FAM120B: variants seen among roughly 807,000 people sequenced by gnomAD.
FAM120B encodes family with sequence similarity 120 member B, also known as constitutive coactivator of peroxisome proliferator-activated receptor gamma.
FAM120B carries 83 observed loss-of-function variants against 96.3 expected under a neutral mutation model. The ratio of observed to expected loss-of-function variants is 0.86; its 90% CI spans 0.72 to 1.03. The LOEUF (loss-of-function observed/expected upper bound fraction) is 1.03, where lower values mean the gene tolerates loss of function less well. Among genes scored for constraint, FAM120B ranks in the 50% least tolerant of loss-of-function variants. The pLI is 0.00. For synonymous variants in FAM120B, 407 were observed against 402.7 expected (o/e 1.01, Z -0.13); for missense variants, 1,027 against 1,121.2 (o/e 0.92, Z 1.20).
At chr6:170,308,000 C>G (rs1784385322) in intron 1 of FAM120B, among the ~76,000 whole-genome samples, 1 of 152,190 alleles carries the variant, frequency 6.6e-6, no homozygotes, top group Non-Finnish European at 1.5e-5. Context: ...CGCAGCTGTA[C>G]TCCCAAGTTC....
intron 7 of FAM120B, among the ~76,000 whole-genome samples, chr6:170,390,252 A>T (rs1790412083): frequency 6.6e-6 from 1 of 152,198 alleles, no homozygotes; most frequent in South Asian, 2.1e-4. Flanking sequence ...GTGGCATAGG[A>T]CTGCAAGTAT....
intron 2 of FAM120B, among the ~76,000 whole-genome samples, chr6:170,319,744 T>C (rs916689328): frequency 3.9e-5 from 6 of 152,172 alleles, no homozygotes; most frequent in Admixed American, 6.5e-5. Context: ...AAAATATGCA[T>C]TGAATAAGCA....
At position 170,323,089 on chromosome 6, in the gene FAM120B, C is replaced by G; in HGVS notation, c.1745C>G (p.Thr582Arg). The G allele has an allele frequency of 6.2e-7, 1 of 1,609,994 alleles. No homozygotes were observed. Among genetic ancestry groups the G allele is most frequent in the Non-Finnish European group, 8.5e-7 (1 of 1,178,336 alleles). ...SDTEILKVARTHHVQAESYLV... is the reference protein window; with the variant it reads ...SDTEILKVARRHHVQAESYLV... ...TTAAATTTCAAACAGGTTGCTAGAA[C>G]ACATCACGTCCAAGCAGAAAGCTAC... The change falls in exon 3 of 11, where the codon ACA becomes AGA. Residue 582 changes from threonine to arginine, a missense_variant. Physicochemically the swap from Thr to Arg is moderately conservative, Grantham distance 71 (BLOSUM62 -1). This residue lies in a region of FAM120B where 880 missense variants were observed against 980.9 expected (regional missense o/e 0.90). Coordinates refer to ENST00000476287, the MANE Select transcript of FAM120B (RefSeq NM_032448.3).
At chr6:170,300,435 G>A (rs992460006) in intron 1 of FAM120B, among the ~76,000 whole-genome samples, 2 of 152,180 alleles carry the variant, frequency 1.3e-5, no homozygotes, top group African/African-American at 2.4e-5. Flanking sequence ...AGTTCAAGAT[G>A]AGATTTGGAT....
At chr6:170,333,958 C>T (rs952960981) in intron 4 of FAM120B, among the ~76,000 whole-genome samples, 1 of 152,212 alleles carries the variant, frequency 6.6e-6, no homozygotes, top group Admixed American at 6.5e-5. Context: ...TGTGTCTACC[C>T]TTTCCCAGCA....
upstream of FAM120B, chr6:170,290,822 C>T: frequency 1.6e-6 from 1 of 616,006 alleles, no homozygotes; most frequent in Non-Finnish European, 2.9e-6. This position sits in a 1 kb window ranked among gnomAD's most constrained non-coding sequence, Gnocchi z 4.7. Context: ...ACGCGCAGGA[C>T]CGGAGGGGCC....
rs1778748147 is a variant in FAM120B, at chr6:170,404,824, G to C, written c.*73G>C. On this transcript the variant is annotated 3_prime_UTR_variant, in exon 11 of 11. Transcript: ENST00000476287. ...CAGAGCCCTGCCAGCGCCCTCCTCT[G>C]CTGTTGCAGCTGCAAGGAGACCATG... 1.9e-6 allele frequency: 1 copy of C among 530,302 alleles called. No homozygotes were observed. The highest frequency in any genetic ancestry group is 3.3e-6 in the Non-Finnish European group (1 of 298,818). The allele number at this position is 530,302 out of a possible 1,614,324, so 32.8% of individuals were successfully genotyped here.
intron 9 of FAM120B, among the ~76,000 whole-genome samples, chr6:170,398,268 T>C (rs1024969292): frequency 1.3e-5 from 2 of 152,262 alleles, no homozygotes; most frequent in African/African-American, 4.8e-5. Flanking sequence ...ATTCTATTTA[T>C]TGAATGGTGG....
chr6:170,296,230 G>C lies in FAM120B; in HGVS notation c.48+777G>C, dbSNP rs559333082. Among the ~76,000 whole-genome samples, 4 of 152,108 alleles carry C rather than the reference G, an allele frequency of 2.6e-5. No homozygotes were observed. The South Asian group carries it at 8.3e-4, about 32-fold the overall frequency. ...CCGGGGCTGGGGGGCCGGGTGTTGG[G>C]GGGTTAGAAGGAGGCCGCGTGTCCC... is the stretch of plus-strand genomic sequence containing the variant. On this transcript the variant is annotated intron_variant, in intron 1 of 10. Transcript: ENST00000537664.
At chr6:170,383,194 A>G (rs182300801) in intron 6 of FAM120B, among the ~76,000 whole-genome samples, 5 of 152,262 alleles carry the variant, frequency 3.3e-5, no homozygotes, top group South Asian at 2.1e-4. Flanking sequence ...ACATAAAACT[A>G]TTACACTTTT....
intron 6 of FAM120B, among the ~76,000 whole-genome samples, chr6:170,385,426 A>C (rs141288808): frequency 6.6e-6 from 1 of 152,226 alleles, no homozygotes; most frequent in South Asian, 2.1e-4. Flanking sequence ...TTAATAAAAA[A>C]TCAAACTCAG....
intron 1 of FAM120B, among the ~76,000 whole-genome samples, chr6:170,298,846 G>T (rs1784080901): frequency 6.6e-6 from 1 of 152,180 alleles, no homozygotes; most frequent in African/African-American, 2.4e-5. Context: ...TCAGTGGCTA[G>T]AGCTCAGGCA....
At chr6:170,356,496 T>G (rs757090249) in intron 5 of FAM120B, among the ~76,000 whole-genome samples, 45 of 152,188 alleles carry the variant, frequency 3.0e-4, no homozygotes, top group Non-Finnish European at 6.2e-4. Context: ...AATAACATAC[T>G]GTTCAGTGCA....
At chr6:170,340,992 C>T (rs1786784537) in intron 4 of FAM120B, among the ~76,000 whole-genome samples, 1 of 152,218 alleles carries the variant, frequency 6.6e-6, no homozygotes, top group African/African-American at 2.4e-5. Flanking sequence ...AGCAGTCTGT[C>T]CCTCAGCAGA....
At chr6:170,376,732 G>A (rs558396699) in intron 6 of FAM120B, among the ~76,000 whole-genome samples, 231 of 152,346 alleles carry the variant, frequency 1.5e-3, no homozygotes, top group African/African-American at 4.8e-3. Context: ...CTTTTGAGGC[G>A]TTCGAATGTG....
At chr6:170,355,710 AC>A (rs1292525108) in intron 5 of FAM120B, among the ~76,000 whole-genome samples, 1 of 152,068 alleles carries the variant, frequency 6.6e-6, no homozygotes, top group Non-Finnish European at 1.5e-5. Context: ...CTGCATATGT[AC>A]CCCCAAACTT....
intron 1 of FAM120B, 92 bp from the exon 2 acceptor site, chr6:170,317,278 A>T (rs1378241085): frequency 9.9e-7 from 1 of 1,005,508 alleles, no homozygotes; most frequent in Non-Finnish European, 1.5e-6. Context: ...TTTTGGAAAC[A>T]GTGTGAATAT....
At chr6:170,327,167 C>T (rs1479751166) in intron 3 of FAM120B, among the ~76,000 whole-genome samples, 1 of 152,120 alleles carries the variant, frequency 6.6e-6, no homozygotes, top group African/African-American at 2.4e-5. Context: ...CTGCCTCAGC[C>T]TCCCAAGTAC....
intron 5 of FAM120B, among the ~76,000 whole-genome samples, chr6:170,355,541 G>C (rs1400804026): frequency 6.6e-6 from 1 of 151,582 alleles, no homozygotes; most frequent in Admixed American, 6.6e-5. Context: ...ACATAGCAGG[G>C]AACAACACAC....
Sources: gnomAD v4.1 joint callset for allele counts (sites outside exome capture counted in the v4.1 genomes callset) on GRCh38, gnomAD v4.1.1 for gene constraint, gnomAD v4.1.1 regional missense constraint, Gnocchi (gnomAD v3.1) non-coding constraint, MANE v1.5 for transcripts, NCBI Gene and HGNC (gene_info 2026-07-23, HGNC 2026-07-21) for gene names.